Variants in SATB1 observed in about 807,000 individuals in gnomAD.
SATB1 encodes DNA-binding protein SATB1.
SATB1 carries 11 observed loss-of-function variants against 86.9 expected under a neutral mutation model. The observed-to-expected ratio is 0.13, with a 90% CI of 0.08 to 0.21. SATB1 has a LOEUF of 0.21. Among genes scored for constraint, SATB1 ranks in the 10% least tolerant of loss-of-function variants. SATB1 has a pLI of 1.00. For synonymous variants in SATB1, 357 were observed against 357.2 expected (o/e 1.00, Z 0.01); for missense variants, 551 against 937.6 (o/e 0.59, Z 5.39).
At chr3:18,358,071 T>A (rs2125139687) in intron 9 of SATB1, among the ~76,000 whole-genome samples, 1 of 152,126 alleles carries the variant, frequency 6.6e-6, no homozygotes, top group African/African-American at 2.4e-5. Flanking sequence ...AATTTCATCA[T>A]CTAGACCATT....
chr3:18,396,434 C>T (rs1357798804), intron 6 of SATB1, among the ~76,000 whole-genome samples: 2 of 151,986 alleles, frequency 1.3e-5, no homozygotes, highest in Admixed American at 1.3e-4. Flanking sequence ...AAACATTAAC[C>T]TTAATCACAG....
In SATB1 at chr3:18,397,258, G is replaced by A. The variant is rs144019545; in HGVS notation, c.672C>T (p.Tyr224=). Reference sequence around the variant, plus strand: ...ATTTTGCTGCTGAGACATTTGCATAGTAAGTACTGTTCACAATGGAAGAAA... The same window carrying A: ...ATTTTGCTGCTGAGACATTTGCATAATAAGTACTGTTCACAATGGAAGAAA... ...SMISSIVNST[Y]YANVSAAKCQ... Residue 224 remains tyrosine, a synonymous_variant, in exon 6 of 11, where the codon TAC becomes TAT. Coordinates refer to ENST00000338745, the MANE Select transcript of SATB1 (RefSeq NM_002971.6). 1 of 1,610,274 alleles carries A rather than the reference G, an allele frequency of 6.2e-7. No individual in the cohort carries two copies. Among genetic ancestry groups the A allele is most frequent in the Non-Finnish European group, 8.5e-7 (1 of 1,176,664 alleles).
At chr3:18,430,438 A>C (rs891497701) in intron 2 of SATB1, among the ~76,000 whole-genome samples, 1 of 152,224 alleles carries the variant, frequency 6.6e-6, no homozygotes, top group Non-Finnish European at 1.5e-5. Context: ...CATTTTAAGT[A>C]ATGTGTTTAC....
intron 2 of SATB1, among the ~76,000 whole-genome samples, chr3:18,433,938 A>T (rs2125199824): frequency 6.6e-6 from 1 of 152,174 alleles, no homozygotes; most frequent in Middle Eastern, 3.4e-3. Context: ...GCTGTTTTTT[A>T]ATCATTTATT....
At chr3:18,416,693 A>G (rs1025269950) in intron 3 of SATB1, among the ~76,000 whole-genome samples, 1 of 152,132 alleles carries the variant, frequency 6.6e-6, no homozygotes, top group Non-Finnish European at 1.5e-5. Flanking sequence ...AGTAATTTAA[A>G]AAAAAAATCT....
intron 4 of SATB1, among the ~76,000 whole-genome samples, chr3:18,415,591 C>A (rs1698067675): frequency 6.6e-6 from 1 of 151,080 alleles, no homozygotes; most frequent in Non-Finnish European, 1.5e-5. Context: ...AATTAAAAAT[C>A]ATAAAAAAAT....
chr3:18,391,505 T>A (rs1696670700), intron 7 of SATB1, among the ~76,000 whole-genome samples: 2 of 149,418 alleles, frequency 1.3e-5, no homozygotes, highest in African/African-American at 4.9e-5. Flanking sequence ...ATTAGGTATA[T>A]CTCCCAATGC....
At chr3:18,410,169 C>A (rs1350658176) in intron 5 of SATB1, among the ~76,000 whole-genome samples, 1 of 151,904 alleles carries the variant, frequency 6.6e-6, no homozygotes. Context: ...AACATACAAA[C>A]AAAAAATCAA....
chr3:18,442,819 A>T (rs1441281092), upstream of SATB1, among the ~76,000 whole-genome samples: 2 of 152,230 alleles, frequency 1.3e-5, no homozygotes, highest in African/African-American at 2.4e-5. Context: ...TATTCATGCT[A>T]TTCCTGTCTG....
At chr3:18,411,772 T>C (rs1000865621) in intron 5 of SATB1, among the ~76,000 whole-genome samples, 4 of 151,856 alleles carry the variant, frequency 2.6e-5, no homozygotes, top group African/African-American at 9.7e-5. Context: ...TCTTAGAACA[T>C]TTTACAAAAA....
intron 5 of SATB1, among the ~76,000 whole-genome samples, chr3:18,414,749 C>CGAAGCTTCGTGG (rs1698031101): frequency 6.6e-6 from 1 of 151,988 alleles, no homozygotes; most frequent in Non-Finnish European, 1.5e-5. Context: ...TCCCTCTCAC[C>CGAAGCTTCGTGG]GAAGCTTCGT....
upstream of SATB1, among the ~76,000 whole-genome samples, chr3:18,425,753 G>T (rs2125186180): frequency 6.6e-6 from 1 of 151,404 alleles, no homozygotes; most frequent in African/African-American, 2.4e-5. Flanking sequence ...CCCTGGCAGC[G>T]TCCGCCGGAG....
rs1696369716 is a variant in SATB1 at position 18,386,818 on chromosome 3, A to G, written c.1207-207T>C. Among the ~76,000 whole-genome samples, 1 of 152,232 alleles carries G rather than the reference A, an allele frequency of 6.6e-6. No homozygotes were observed. The highest frequency in any genetic ancestry group is 1.5e-5 in the Non-Finnish European group (1 of 68,034). ...TTTATTAAGCATCTGCTTTACATATAACATAAACTGAAACTGCCTAATTGG... is the reference window on the plus strand; with the variant it reads ...TTTATTAAGCATCTGCTTTACATATGACATAAACTGAAACTGCCTAATTGG... On this transcript the variant is annotated intron_variant, in intron 7 of 10. Coordinates refer to ENST00000338745, the MANE Select transcript of SATB1 (RefSeq NM_002971.6). This position sits in a 1 kb window ranked among gnomAD's most constrained non-coding sequence, Gnocchi z 4.5.
chr3:18,436,973 A>G (rs1251302964), intron 1 of SATB1: 5 of 152,184 alleles, frequency 3.3e-5, no homozygotes, highest in Non-Finnish European at 1.5e-5. Context: ...AGTTTCAGTA[A>G]CCCATTGTTT....
intron 6 of SATB1, among the ~76,000 whole-genome samples, chr3:18,395,473 G>A (rs1394375441): frequency 2.0e-5 from 3 of 152,150 alleles, no homozygotes; most frequent in Non-Finnish European, 4.4e-5. Flanking sequence ...AGTAGTTAAT[G>A]TAATAAATAA....
intron 5 of SATB1, among the ~76,000 whole-genome samples, chr3:18,413,411 T>C (rs1386068003): frequency 1.3e-5 from 2 of 152,132 alleles, no homozygotes; most frequent in East Asian, 1.9e-4. Context: ...CCAAGATCAA[T>C]GGGACATTTA....
chr3:18,432,662 G>A (rs1450407491), intron 2 of SATB1, among the ~76,000 whole-genome samples: 2 of 151,472 alleles, frequency 1.3e-5, no homozygotes, highest in South Asian at 2.1e-4. Context: ...ATTGTATTTG[G>A]GCTGATAGAA....
At chr3:18,428,346 G>A (rs1027538350), upstream of SATB1, among the ~76,000 whole-genome samples, 7 of 152,068 alleles carry the variant, frequency 4.6e-5, no homozygotes, top group African/African-American at 9.7e-5. Flanking sequence ...ATTAATCCAC[G>A]AATGGATTAA....
At chr3:18,423,346 TA>T (rs1428705338) in intron 1 of SATB1, among the ~76,000 whole-genome samples, 1 of 152,198 alleles carries the variant, frequency 6.6e-6, no homozygotes, top group Non-Finnish European at 1.5e-5. Context: ...TTATTTCCTT[TA>T]AAAGGAAAGA....
Sources: gnomAD v4.1 joint callset for allele counts (sites outside exome capture counted in the v4.1 genomes callset) on GRCh38, gnomAD v4.1.1 for gene constraint, Gnocchi (gnomAD v3.1) non-coding constraint, MANE v1.5 for transcripts, NCBI Gene and HGNC (gene_info 2026-07-23, HGNC 2026-07-21) for gene names.